STAG1: variants seen among roughly 807,000 people sequenced by gnomAD.
STAG1 encodes the protein cohesin subunit SA-1.
A neutral mutation model predicts 170.9 loss-of-function variants in STAG1; 26 were observed. The observed-to-expected ratio is 0.15, with a 90% CI of 0.11 to 0.21. The LOEUF (loss-of-function observed/expected upper bound fraction) is 0.21, where lower values mean the gene tolerates loss of function less well. STAG1 is among the 10% of genes least tolerant of loss of function. The pLI, the probability that STAG1 is intolerant of heterozygous loss-of-function variation, is 1.00. For synonymous variants in STAG1, 514 were observed against 497.7 expected (o/e 1.03, Z -0.44); for missense variants, 964 against 1,509.5 (o/e 0.64, Z 5.99).
At chr3:136,446,329 A>C (rs1206021380) in intron 14 of STAG1, among the ~76,000 whole-genome samples, 1 of 152,124 alleles carries the variant, frequency 6.6e-6, no homozygotes, top group Non-Finnish European at 1.5e-5. Flanking sequence ...CTTCCCTAGA[A>C]AACATGTTCA....
intron 1 of STAG1, among the ~76,000 whole-genome samples, chr3:136,635,490 C>T (rs1287699823): frequency 1.3e-5 from 2 of 152,160 alleles, no homozygotes; most frequent in Non-Finnish European, 2.9e-5. Flanking sequence ...AGAGTATCTC[C>T]AAACGCTGCA....
At chr3:136,717,202 T>A (rs1471254304) in intron 1 of STAG1, among the ~76,000 whole-genome samples, 2 of 152,218 alleles carry the variant, frequency 1.3e-5, no homozygotes, top group Non-Finnish European at 2.9e-5. Flanking sequence ...AACCTTCTCA[T>A]TATCTTATGA....
intron 24 of STAG1, among the ~76,000 whole-genome samples, chr3:136,367,481 A>C (rs142503315): frequency 0.014 from 2,204 of 152,146 alleles, 35 homozygotes; most frequent in Non-Finnish European, 0.023. Context: ...TCAATCCCCC[A>C]CAATACTGAG....
chr3:136,734,125 A>AC (rs1452247664), intron 1 of STAG1, among the ~76,000 whole-genome samples: 1 of 150,370 alleles, frequency 6.7e-6, no homozygotes, highest in Non-Finnish European at 1.5e-5. Context: ...AAAAAAAAAC[A>AC]AAACAAAACA....
At chr3:136,360,037 A>G (rs960152677) in intron 26 of STAG1, among the ~76,000 whole-genome samples, 1 of 152,226 alleles carries the variant, frequency 6.6e-6, no homozygotes, top group Non-Finnish European at 1.5e-5. Context: ...AACAAAATAT[A>G]CCAAAAAGTT....
At chr3:136,470,490 A>G (rs896524065) in intron 12 of STAG1, among the ~76,000 whole-genome samples, 6 of 152,148 alleles carry the variant, frequency 3.9e-5, no homozygotes, top group Non-Finnish European at 7.4e-5. Context: ...GAAACAACAG[A>G]TGTTGGAGAG....
chr3:136,375,985 TAA>T (rs1242837814), intron 23 of STAG1, among the ~76,000 whole-genome samples: 3 of 77,834 alleles, frequency 3.9e-5, no homozygotes, highest in Non-Finnish European at 9.0e-5. Context: ...AATAAATAAA[TAA>T]ATAAATAAAT....
At chr3:136,707,722 G>A (rs1229155731) in intron 1 of STAG1, among the ~76,000 whole-genome samples, 1 of 152,176 alleles carries the variant, frequency 6.6e-6, no homozygotes, top group Non-Finnish European at 1.5e-5. Flanking sequence ...TGTGAGGGAT[G>A]TCGCGGCTTT....
chr3:136,743,708 T>C (rs568662023), intron 1 of STAG1, among the ~76,000 whole-genome samples: 1 of 152,220 alleles, frequency 6.6e-6, no homozygotes, highest in South Asian at 2.1e-4. Context: ...TTTCAGTAAA[T>C]ACAGGGAACA....
chr3:136,339,636 T>C (rs1438224595), intron 32 of STAG1, among the ~76,000 whole-genome samples: 1 of 152,202 alleles, frequency 6.6e-6, no homozygotes, highest in African/African-American at 2.4e-5. Flanking sequence ...CATCACCCAG[T>C]TTCAAAAATT....
rs1287093132 is a variant in STAG1, at chr3:136,498,229, TATATACAC to T, written c.902+1986_902+1993del. 8.7e-4 allele frequency among the ~76,000 whole-genome samples: 50 copies of T among 57,742 alleles called. 1 individual carries two copies. Among genetic ancestry groups the T allele is most frequent in the African/African-American group, 4.6e-3 (50 of 10,900 alleles). 37.9% of individuals were successfully genotyped at this position (57,742 alleles called of 152,430 possible). A position where few individuals can be genotyped will look rare whatever the true frequency, so the allele number is the denominator to read the frequency against. ...AAAAAATTATATATATATATATATA[TATATACAC>T]ATACATATACATACACACACACACA... is the stretch of plus-strand genomic sequence containing the variant. On this transcript the variant is annotated intron_variant, in intron 9 of 33. Transcript: ENST00000383202.
intron 1 of STAG1, among the ~76,000 whole-genome samples, chr3:136,687,820 T>A (rs539087610): frequency 1.3e-5 from 2 of 150,796 alleles, no homozygotes; most frequent in African/African-American, 4.9e-5. Context: ...CACTGCAACC[T>A]CCACCTCCTG....
At chr3:136,678,777 C>G (rs565185434) in intron 1 of STAG1, among the ~76,000 whole-genome samples, 1 of 148,120 alleles carries the variant, frequency 6.8e-6, no homozygotes, top group East Asian at 2.0e-4. Context: ...CTTTGGAAGG[C>G]CAAGGTGGGA....
intron 29 of STAG1, 112 bp downstream of exon 29, chr3:136,349,046 T>C: frequency 1.2e-6 from 1 of 821,698 alleles, no homozygotes; most frequent in African/African-American, 1.7e-5. Flanking sequence ...GTGAATAAAA[T>C]ATACAAGAAA....
intron 22 of STAG1, among the ~76,000 whole-genome samples, chr3:136,383,436 G>A (rs1392255550): frequency 6.6e-6 from 1 of 151,898 alleles, no homozygotes; most frequent in Non-Finnish European, 1.5e-5. Context: ...TCATATTATG[G>A]ATACTGTCAC....
chr3:136,624,759 A>G (rs1940021981), intron 2 of STAG1, among the ~76,000 whole-genome samples: 1 of 152,234 alleles, frequency 6.6e-6, no homozygotes, highest in East Asian at 1.9e-4. Flanking sequence ...TTCACGGTGT[A>G]CATATTCCTA....
intron 4 of STAG1, among the ~76,000 whole-genome samples, chr3:136,590,873 G>A (rs112692887): frequency 0.012 from 1,753 of 152,148 alleles, 21 homozygotes; most frequent in African/African-American, 0.041. Flanking sequence ...ACTGATGGAC[G>A]TAAATATTTC....
chr3:136,701,324 G>C (rs962296858), intron 1 of STAG1, among the ~76,000 whole-genome samples: 2 of 152,012 alleles, frequency 1.3e-5, no homozygotes, highest in African/African-American at 4.8e-5. Flanking sequence ...TGTAAAAACT[G>C]AATTTTATCC....
intron 1 of STAG1, among the ~76,000 whole-genome samples, chr3:136,724,413 G>GTT (rs1378140028): frequency 6.6e-6 from 1 of 151,214 alleles, no homozygotes; most frequent in Non-Finnish European, 1.5e-5. Context: ...CAGCATGCTC[G>GTT]TTAAGAGTCA....
Sources: gnomAD v4.1 joint callset for allele counts (sites outside exome capture counted in the v4.1 genomes callset) on GRCh38, gnomAD v4.1.1 for gene constraint, MANE v1.5 for transcripts, NCBI Gene and HGNC (gene_info 2026-07-23, HGNC 2026-07-21) for gene names.